Variants in GALNT13 observed in about 807,000 individuals in gnomAD.
The protein encoded by GALNT13 is UDP-GalNAc:polypeptide N-acetylgalactosaminyltransferase 13.
GALNT13 carries 28 observed loss-of-function variants against 64.2 expected under a neutral mutation model. The ratio of observed to expected loss-of-function variants is 0.44; its 90% CI spans 0.32 to 0.60. The LOEUF (loss-of-function observed/expected upper bound fraction) is 0.60. Ranked by LOEUF, GALNT13 falls within the 20% of genes least tolerant of loss-of-function variation. GALNT13 has a pLI of 0.05. For missense variants in GALNT13, 577 were observed against 669.8 expected (o/e 0.86, Z 1.53); for synonymous variants, 214 against 224.6 (o/e 0.95, Z 0.42).
chr2:153,302,743 G>A, the GALNT13 span, among the ~76,000 whole-genome samples: 2 of 152,038 alleles, frequency 1.3e-5, no homozygotes, highest in Non-Finnish European at 2.9e-5. Context: ...TATGTTATGA[G>A]ATTATTCTTC....
At chr2:153,705,341 A>G in the GALNT13 span, among the ~76,000 whole-genome samples, 1 of 151,614 alleles carries the variant, frequency 6.6e-6, no homozygotes, top group African/African-American at 2.4e-5. Flanking sequence ...ACATAACAGC[A>G]TTTTCAAGAT....
the GALNT13 span, among the ~76,000 whole-genome samples, chr2:153,264,002 G>T: frequency 6.6e-6 from 1 of 152,278 alleles, no homozygotes; most frequent in Non-Finnish European, 1.5e-5. Context: ...TCATCATAGT[G>T]AACAGACAAC....
intron 1 of GALNT13, among the ~76,000 whole-genome samples, chr2:153,879,636 G>A (rs1284153944): frequency 6.6e-5 from 10 of 151,594 alleles, no homozygotes; most frequent in Admixed American, 5.3e-4. Context: ...GCCTCCCAAT[G>A]TACTGGGATT....
At chr2:153,853,710 T>A in the GALNT13 span, among the ~76,000 whole-genome samples, 3 of 150,194 alleles carry the variant, frequency 2.0e-5, no homozygotes, top group African/African-American at 7.3e-5. Context: ...TAATATCATA[T>A]AATTATATAT....
At chr2:153,852,282 T>G in the GALNT13 span, among the ~76,000 whole-genome samples, 4 of 152,294 alleles carry the variant, frequency 2.6e-5, no homozygotes, top group African/African-American at 9.6e-5. Context: ...GTATACTGCC[T>G]ACAAGAAACC....
intron 3 of GALNT13, among the ~76,000 whole-genome samples, chr2:154,132,284 T>C (rs563641070): frequency 6.6e-6 from 1 of 152,348 alleles, no homozygotes; most frequent in South Asian, 2.1e-4. Flanking sequence ...AAAGGCCCTT[T>C]AATTAAATGA....
At chr2:153,085,466 C>T in the GALNT13 span, among the ~76,000 whole-genome samples, 8 of 152,112 alleles carry the variant, frequency 5.3e-5, no homozygotes, top group Admixed American at 3.9e-4. Context: ...GTGTGCAGCC[C>T]TAGGACTTGG....
At chr2:154,144,428 A>G (rs1009307409) in intron 4 of GALNT13, among the ~76,000 whole-genome samples, 1 of 152,200 alleles carries the variant, frequency 6.6e-6, no homozygotes, top group African/African-American at 2.4e-5. Context: ...AGATATAGAT[A>G]CATTAAGCTA....
the GALNT13 span, among the ~76,000 whole-genome samples, chr2:153,582,560 T>C: frequency 6.6e-6 from 1 of 152,202 alleles, no homozygotes; most frequent in Non-Finnish European, 1.5e-5. Flanking sequence ...ATGAAAACCT[T>C]ATTTTAGGAA....
In GALNT13 at chr2:154,451,209, C is replaced by G. The variant is rs1474117185; in HGVS notation, c.*658C>G. 3 of 152,054 alleles carry G rather than the reference C, an allele frequency of 2.0e-5. No homozygotes were observed. Among genetic ancestry groups the G allele is most frequent in the African/African-American group, 4.8e-5 (2 of 41,400 alleles). The allele number at this position is 152,054 out of a possible 1,614,324, so 9.4% of individuals were successfully genotyped here. A position where few individuals can be genotyped will look rare whatever the true frequency, so the allele number is the denominator to read the frequency against. On this transcript the variant is annotated 3_prime_UTR_variant, in exon 13 of 13. Coordinates refer to ENST00000392825, the MANE Select transcript of GALNT13 (RefSeq NM_052917.4). ...TACATAAAAAAAGAAATCCGCGAAG[C>G]ATTGAGGGGAACAAGATGAGTCTAA...
intron 3 of GALNT13, among the ~76,000 whole-genome samples, chr2:154,004,309 G>A (rs1018621049): frequency 1.3e-5 from 2 of 151,882 alleles, no homozygotes; most frequent in South Asian, 2.1e-4. Flanking sequence ...AGGTTCAAGC[G>A]ATCCTCCTGC....
intron 2 of GALNT13, among the ~76,000 whole-genome samples, chr2:153,907,742 T>G (rs1256512703): frequency 1.3e-5 from 2 of 152,126 alleles, no homozygotes; most frequent in East Asian, 1.9e-4. Flanking sequence ...TCTAATTTTT[T>G]TGTGTGTGTG....
At chr2:153,287,387 C>T in the GALNT13 span, among the ~76,000 whole-genome samples, 2 of 152,218 alleles carry the variant, frequency 1.3e-5, no homozygotes, top group Non-Finnish European at 2.9e-5. Context: ...TAGACCCTCT[C>T]TGCCTTGTCG....
At chr2:153,546,960 T>C in the GALNT13 span, among the ~76,000 whole-genome samples, 11 of 152,238 alleles carry the variant, frequency 7.2e-5, no homozygotes, top group African/African-American at 2.4e-4. Flanking sequence ...CCTCTGGCTA[T>C]GGCCCACCTA....
the GALNT13 span, among the ~76,000 whole-genome samples, chr2:153,538,660 C>T: frequency 1.0e-3 from 44 of 43,718 alleles, no homozygotes; most frequent in East Asian, 0.011. Flanking sequence ...TTTGTTCTTG[C>T]GATAGTTTAC....
chr2:153,677,972 C>T, the GALNT13 span, among the ~76,000 whole-genome samples: 1 of 151,714 alleles, frequency 6.6e-6, no homozygotes, highest in Non-Finnish European at 1.5e-5. Context: ...TAGGTCCCAG[C>T]AAAGATTTAA....
chr2:153,911,405 A>T lies in GALNT13; in HGVS notation c.-105+10398A>T, dbSNP rs548685378. ...TTTTACTTGGAGCATTTAGCTTCTT[A>T]TATTCAATGTTAGCATTGATATGTG... On this transcript the variant is annotated intron_variant, in intron 2 of 12. Coordinates refer to ENST00000392825, the MANE Select transcript of GALNT13 (RefSeq NM_052917.4). Among the ~76,000 whole-genome samples the T allele has an allele frequency of 5.9e-5, 9 of 152,180 alleles. No homozygotes were observed. In the South Asian group the frequency reaches 1.9e-3, roughly 32 times the overall value.
At chr2:154,063,142 T>C (rs1218614218) in intron 3 of GALNT13, among the ~76,000 whole-genome samples, 1 of 152,106 alleles carries the variant, frequency 6.6e-6, no homozygotes, top group Non-Finnish European at 1.5e-5. Context: ...TGTATTTCCT[T>C]ATTTTTCTTC....
intron 9 of GALNT13, among the ~76,000 whole-genome samples, chr2:154,383,583 A>G (rs1698375843): frequency 6.6e-6 from 1 of 151,902 alleles, no homozygotes; most frequent in Admixed American, 6.6e-5. Context: ...TTTTTTCTTT[A>G]CTAACTCATA....
Sources: gnomAD v4.1 joint callset for allele counts (sites outside exome capture counted in the v4.1 genomes callset) on GRCh38, gnomAD v4.1.1 for gene constraint, MANE v1.5 for transcripts, NCBI Gene and HGNC (gene_info 2026-07-23, HGNC 2026-07-21) for gene names.